The following CEP350 variants were observed in gnomAD, a reference collection of about 807,000 sequenced individuals.
The protein encoded by CEP350 is centrosomal protein 350.
CEP350 carries 126 observed loss-of-function variants against 331.8 expected under a neutral mutation model. The observed-to-expected ratio is 0.38, with a 90% CI of 0.33 to 0.44. The LOEUF is 0.44. Among genes scored for constraint, CEP350 ranks in the 20% least tolerant of loss-of-function variants. CEP350 has a pLI of 1.00. For synonymous variants in CEP350, 1,200 were observed against 1,259.5 expected, an observed-to-expected ratio of 0.95 and a Z score of 1.00; for missense variants, 3,406 against 3,634.6, an observed-to-expected ratio of 0.94 and a Z score of 1.62.
At chr1:180,109,849 G>C (rs1404056784) in intron 37 of CEP350, among the ~76,000 whole-genome samples, 1 of 152,068 alleles carries the variant, frequency 6.6e-6, no homozygotes, top group African/African-American at 2.4e-5. Context: ...TGGCCAGGCT[G>C]ATCTCCAACT....
intron 19 of CEP350, 102 bp downstream of exon 19, chr1:180,041,904 T>G: frequency 1.1e-5 from 12 of 1,101,696 alleles, no homozygotes; most frequent in Non-Finnish European, 1.6e-5. Flanking sequence ...AAATGCATAC[T>G]TTGAATTAGT....
rs1355344694 is a variant in CEP350, at chr1:180,004,902, G to GCTTTCTTT, written c.1133-1549_1133-1548insTCTTTCTT. Among the ~76,000 whole-genome samples, 633 of 125,240 alleles carry GCTTTCTTT rather than the reference G, an allele frequency of 5.1e-3. 3 individuals are homozygous for GCTTTCTTT. The highest frequency in any genetic ancestry group is 0.012 in the Middle Eastern group (3 of 250). The allele number at this position is 125,240 out of a possible 152,430, so 82.2% of individuals were successfully genotyped here. A position where few individuals can be genotyped will look rare whatever the true frequency, so the allele number is the denominator to read the frequency against. ...TGCTTGCTTGCTTGCTTGCTTGCTTGCTTGCTTTCTTTCTTTCTTTCTTTC... is the reference window on the plus strand; with the variant it reads ...TGCTTGCTTGCTTGCTTGCTTGCTTGCTTTCTTTCTTGCTTTCTTTCTTTCTTTCTTTC... On this transcript the variant is annotated intron_variant, in intron 7 of 37. Transcript: ENST00000367607.
chr1:180,044,051 G>T lies in CEP350; in HGVS notation c.4500G>T (p.Arg1500Ser). Residue 1500 changes from arginine to serine, a missense_variant and splice_region_variant, in exon 21 of 38, where the codon AGG becomes AGT. Physicochemically the swap from Arg to Ser is moderately radical, Grantham distance 110 (BLOSUM62 -1). Coordinates refer to ENST00000367607, the MANE Select transcript of CEP350 (RefSeq NM_014810.5). ...TAATCAGTTTTTATTTTATTTGTAG[G>T]AAAAGTCCATCTGTTTCACTCTCTC... ...KQLRTRTETDRKSPSVSLSQS... is the reference protein window; with the variant it reads ...KQLRTRTETDSKSPSVSLSQS... The T allele has an allele frequency of 6.6e-7, 1 of 1,523,424 alleles. No individual in the cohort carries two copies. Among genetic ancestry groups the T allele is most frequent in the Non-Finnish European group, 8.8e-7 (1 of 1,139,076 alleles). The allele number at this position is 1,523,424 out of a possible 1,614,324, so 94.4% of individuals were successfully genotyped here. A position where few individuals can be genotyped will look rare whatever the true frequency, so the allele number is the denominator to read the frequency against.
intron 3 of CEP350, among the ~76,000 whole-genome samples, chr1:179,988,918 CTGAGCATTATG>C (rs1237148922): frequency 8.5e-5 from 13 of 152,132 alleles, no homozygotes; most frequent in African/African-American, 2.7e-4. Context: ...TTTCTTCTAC[CTGAGCATTATG>C]TTTTCTATAG....
At chr1:179,991,900 C>G (rs1452293639) in intron 4 of CEP350, among the ~76,000 whole-genome samples, 162 bp from the exon 5 acceptor site, 1 of 151,752 alleles carries the variant, frequency 6.6e-6, no homozygotes. Flanking sequence ...GAATGTTTTT[C>G]ATGTACTTAT....
chr1:180,089,546 G>A (rs1371889341), intron 32 of CEP350, among the ~76,000 whole-genome samples: 3 of 149,290 alleles, frequency 2.0e-5, no homozygotes, highest in Non-Finnish European at 3.0e-5. Context: ...TCACGCCATT[G>A]CACCCCAGCC....
intron 16 of CEP350, among the ~76,000 whole-genome samples, chr1:180,036,643 CAT>C (rs1317427011): frequency 6.6e-6 from 1 of 152,178 alleles, no homozygotes; most frequent in African/African-American, 2.4e-5. Flanking sequence ...TTTTTTTAGA[CAT>C]AATGCTATTG....
At chr1:179,968,601 C>T (rs184929820) in intron 1 of CEP350, 143 of 335,796 alleles carry the variant, frequency 4.3e-4, no homozygotes, top group Middle Eastern at 1.0e-3. Flanking sequence ...TTGCTTTCCA[C>T]GCTACCCAGA....
At position 180,020,295 on chromosome 1, in the gene CEP350, A is replaced by G; in HGVS notation, c.2521A>G (p.Ser841Gly). The stretch of plus-strand genomic sequence containing the variant: ...TGCTTCTTTGTCCAGCAGAATTGAA[A>G]GTGAAGCCAAGAAATTAGCTGGGGC... ...TAASLSSRIE[S>G]EAKKLAGASI... Residue 841 changes from serine to glycine, a missense_variant, in exon 12 of 38, where the codon AGT becomes GGT. Coordinates refer to ENST00000367607, the MANE Select transcript of CEP350 (RefSeq NM_014810.5). 6.2e-7 allele frequency: 1 copy of G among 1,614,052 alleles called. No homozygotes were observed. Among genetic ancestry groups the G allele is most frequent in the Non-Finnish European group, 8.5e-7 (1 of 1,179,904 alleles).
At chr1:179,973,237 C>G (rs1037002130) in intron 1 of CEP350, among the ~76,000 whole-genome samples, 1 of 152,192 alleles carries the variant, frequency 6.6e-6, no homozygotes, top group African/African-American at 2.4e-5. Flanking sequence ...AGCAGTGGTA[C>G]CCCTCTAGTA....
At chr1:180,101,552 T>C (rs1344820126) in intron 37 of CEP350, among the ~76,000 whole-genome samples, 1 of 152,122 alleles carries the variant, frequency 6.6e-6, no homozygotes. Context: ...GTGTGGACTT[T>C]TCCCCCACAC....
At position 179,996,890 on chromosome 1, in the gene CEP350, C is replaced by G; in HGVS notation, c.733C>G (p.His245Asp). The change falls in exon 6 of 38, where the codon CAT (histidine) becomes GAT (aspartate). Residue 245 changes from histidine to aspartate, a missense_variant. His to Asp is a moderately conservative substitution (Grantham distance 81, BLOSUM62 -1). This residue lies in a region of CEP350 where 1,857 missense variants were observed against 1,909.2 expected (regional missense o/e 0.97). Coordinates refer to ENST00000367607, the MANE Select transcript of CEP350 (RefSeq NM_014810.5). ...NLKLSVNNMA[H>D]DTDPKALRLT... The stretch of plus-strand genomic sequence containing the variant: ...GAAGCTTTCTGTGAATAACATGGCC[C>G]ATGATACTGATCCAAAAGCGTTACG... 2 of 1,613,992 alleles carry G rather than the reference C, an allele frequency of 1.2e-6. No homozygotes were observed. Among genetic ancestry groups the G allele is most frequent in the African/African-American group, 1.3e-5 (1 of 75,062 alleles).
Position 180,053,762 on chromosome 1 carries a change from C to A in CEP350, c.5002C>A (p.Pro1668Thr). ...CCATCTACTTTAGGAACTGAACATG[C>A]CATTCTCAGGAGGACAAGATAGCTT... is the stretch of plus-strand genomic sequence containing the variant. ...TLSTAKELNMPFSGGQDSFSK... is the reference protein window; with the variant it reads ...TLSTAKELNMTFSGGQDSFSK... The change falls in exon 24 of 38, where the codon CCA becomes ACA. Residue 1668 changes from proline (P) to threonine (T), a missense_variant. Around this residue, in one of 5 missense-constraint regions of CEP350, gnomAD observed 104 missense variants for 143.3 expected, o/e 0.73. Coordinates refer to ENST00000367607, the MANE Select transcript of CEP350 (RefSeq NM_014810.5). The A allele has an allele frequency of 6.3e-7, 1 of 1,577,814 alleles. No homozygotes were observed.
chr1:180,007,599 T>C (rs1167215159), intron 8 of CEP350, among the ~76,000 whole-genome samples: 1 of 152,214 alleles, frequency 6.6e-6, no homozygotes, highest in African/African-American at 2.4e-5. Flanking sequence ...ACAGAAGCTC[T>C]TCAGTTTAAT....
In CEP350 at chr1:180,111,107, T is replaced by A; in HGVS notation, c.9300T>A (p.Thr3100=). ...TCTTTGAGACCCTGATCAAAGATACTATTGATGTTCTGAATCAGATCAGTG... is the reference window on the plus strand; with the variant it reads ...TCTTTGAGACCCTGATCAAAGATACAATTGATGTTCTGAATCAGATCAGTG... ...DGIFETLIKD[T]IDVLNQISEK... Residue 3100 remains threonine, a synonymous_variant, in exon 38 of 38, where the codon ACT becomes ACA. Coordinates refer to ENST00000367607, the MANE Select transcript of CEP350 (RefSeq NM_014810.5). 1.2e-6 allele frequency: 2 copies of A among 1,614,026 alleles called. No individual in the cohort carries two copies. Among genetic ancestry groups the A allele is most frequent in the Non-Finnish European group, 1.7e-6 (2 of 1,179,890 alleles).
At chr1:180,043,975 TACTA>T in intron 20 of CEP350, 72 bp from the exon 21 acceptor site, 1 of 1,221,338 alleles carries the variant, frequency 8.2e-7, no homozygotes, top group Non-Finnish European at 1.1e-6. Context: ...TATCTCATAT[TACTA>T]TTAAGCAATA....
Position 180,020,534 on chromosome 1 carries a change from A to G in CEP350, c.2760A>G (p.Lys920=), listed in dbSNP as rs765152300. The change falls in exon 12 of 38, where the codon AAA becomes AAG. Residue 920 remains lysine, a synonymous_variant. Coordinates refer to ENST00000367607, the MANE Select transcript of CEP350 (RefSeq NM_014810.5). ...GTGTAGGCAATCTTAGTGAATTTAAAAAGCTTCCTGAGATGATAAGACCAC... is the reference window on the plus strand; with the variant it reads ...GTGTAGGCAATCTTAGTGAATTTAAGAAGCTTCCTGAGATGATAAGACCAC... The part of the protein sequence containing the change: ...LPGVGNLSEF[K]KLPEMIRPQS... 1.9e-5 allele frequency: 30 copies of G among 1,613,782 alleles called. No homozygotes were observed. Among genetic ancestry groups the G allele is most frequent in the Non-Finnish European group, 2.5e-5 (30 of 1,179,896 alleles).
rs115273256 is a variant in CEP350, at chr1:180,019,021, A to G, written c.2175-928A>G. Among the ~76,000 whole-genome samples, 1,109 of 151,936 alleles carry G rather than the reference A, an allele frequency of 7.3e-3. 13 individuals are homozygous for G. The highest frequency in any genetic ancestry group is 0.025 in the African/African-American group (1,040 of 41,430). On this transcript the variant is annotated intron_variant, in intron 11 of 37. Coordinates refer to ENST00000367607, the MANE Select transcript of CEP350 (RefSeq NM_014810.5). ...CAGGCACATGCCACCATGCCCACCT[A>G]ATTTTTTGGTATTTGTAGTAGAGAT...
chr1:180,054,330 T>A, intron 24 of CEP350, 85 bp from the exon 25 acceptor site: 1 of 1,131,638 alleles, frequency 8.8e-7, no homozygotes, highest in Non-Finnish European at 1.3e-6. Flanking sequence ...GTTTGTAGAC[T>A]TTTTAGTAGT....
Sources: allele counts gnomAD v4.1 joint callset (sites outside exome capture counted in the v4.1 genomes callset), GRCh38; gene constraint gnomAD v4.1.1; regional missense constraint gnomAD v4.1.1; transcripts MANE v1.5; gene names NCBI Gene and HGNC (gene_info 2026-07-23, HGNC 2026-07-21).